The following LRRTM4 variants were observed in gnomAD, a reference collection of about 807,000 sequenced individuals.
The protein encoded by LRRTM4 is leucine-rich repeat transmembrane neuronal protein 4.
LRRTM4 carries 25 observed loss-of-function variants against 47.6 expected under a neutral mutation model. That is an observed-to-expected ratio of 0.53 (90% confidence interval 0.38 to 0.73). LRRTM4 has a LOEUF of 0.73. LRRTM4 is among the 30% of genes least tolerant of loss of function. LRRTM4 has a pLI of 0.00. For missense variants in LRRTM4, 638 were observed against 713.4 expected, an observed-to-expected ratio of 0.89 and a Z score of 1.20; for synonymous variants, 311 against 269.5, an observed-to-expected ratio of 1.15 and a Z score of -1.51.
chr2:76,777,507 T>C (rs2104139946), intron 3 of LRRTM4, among the ~76,000 whole-genome samples: 1 of 136,656 alleles, frequency 7.3e-6, no homozygotes, highest in East Asian at 2.4e-4. Flanking sequence ...AGGTATTTTA[T>C]TCTCTTTGAA....
chr2:77,422,166 C>T (rs1674924088), intron 3 of LRRTM4, among the ~76,000 whole-genome samples: 8 of 152,174 alleles, frequency 5.3e-5, no homozygotes, highest in Admixed American at 5.2e-4. Context: ...AGAATGGATC[C>T]TCATTGTTAC....
chr2:77,085,290 C>T (rs1465613572), intron 3 of LRRTM4, among the ~76,000 whole-genome samples: 1 of 151,338 alleles, frequency 6.6e-6, no homozygotes, highest in Non-Finnish European at 1.5e-5. Context: ...TTGGACATTT[C>T]TTACCTACAA....
chr2:77,399,702 A>C (rs1272248352), intron 3 of LRRTM4, among the ~76,000 whole-genome samples: 6 of 151,936 alleles, frequency 3.9e-5, no homozygotes, highest in African/African-American at 1.2e-4. Flanking sequence ...ATCAGGAGGA[A>C]TCAAACACCT....
intron 3 of LRRTM4, among the ~76,000 whole-genome samples, chr2:77,234,956 C>G (rs1675064238): frequency 6.6e-6 from 1 of 152,058 alleles, no homozygotes; most frequent in Non-Finnish European, 1.5e-5. Context: ...ATGTTTTGCT[C>G]CTGCTTATAA....
At chr2:77,443,401 C>T (rs1264790164) in intron 3 of LRRTM4, among the ~76,000 whole-genome samples, 2 of 151,972 alleles carry the variant, frequency 1.3e-5, no homozygotes, top group East Asian at 3.9e-4. Context: ...ATATAATACC[C>T]GTATGGTAGC....
rs984767397 is a variant in LRRTM4 at position 77,296,101 on chromosome 2, T to C, written c.1551+222217A>G. The stretch of plus-strand genomic sequence containing the variant: ...GTTTTGCTCTGACAGATATATTAGA[T>C]TAAATAATGCAAATATTTCTTAAGC... On this transcript the variant is annotated intron_variant, in intron 3 of 3. Transcript: ENST00000409884. 7.2e-4 allele frequency among the ~76,000 whole-genome samples: 110 copies of C among 152,228 alleles called. 2 individuals carry two copies. Among genetic ancestry groups the C allele is most frequent in the Non-Finnish European group, 1.2e-3 (79 of 68,034 alleles).
intron 3 of LRRTM4, among the ~76,000 whole-genome samples, chr2:77,328,438 G>C (rs1396437423): frequency 6.6e-6 from 1 of 152,142 alleles, no homozygotes; most frequent in Non-Finnish European, 1.5e-5. Context: ...TAGTTGAAAA[G>C]GGAGATTTGC....
At chr2:76,974,229 T>C (rs1164630006) in intron 3 of LRRTM4, among the ~76,000 whole-genome samples, 2 of 101,740 alleles carry the variant, frequency 2.0e-5, no homozygotes, top group East Asian at 4.5e-4. Flanking sequence ...TATACATACA[T>C]ATATATATAT....
intron 3 of LRRTM4, among the ~76,000 whole-genome samples, chr2:77,427,830 A>G (rs1675182539): frequency 6.6e-6 from 1 of 152,200 alleles, no homozygotes; most frequent in Admixed American, 6.5e-5. Context: ...AGAATCCCAC[A>G]TACCATATAA....
At chr2:77,108,370 T>C (rs2103927651) in intron 3 of LRRTM4, among the ~76,000 whole-genome samples, 1 of 152,136 alleles carries the variant, frequency 6.6e-6, no homozygotes, top group East Asian at 1.9e-4. Flanking sequence ...AAGAACATTG[T>C]ATAAGAAAGT....
chr2:77,164,099 A>G (rs1402965527), intron 3 of LRRTM4, among the ~76,000 whole-genome samples: 1 of 152,204 alleles, frequency 6.6e-6, no homozygotes, highest in Non-Finnish European at 1.5e-5. Flanking sequence ...GGCTCAAAAT[A>G]AAGGGATGGA....
intron 3 of LRRTM4, among the ~76,000 whole-genome samples, chr2:77,072,910 T>C (rs1680209587): frequency 6.6e-6 from 1 of 151,966 alleles, no homozygotes; most frequent in African/African-American, 2.4e-5. Context: ...TAGAAGACTT[T>C]GGAAGATGAT....
In LRRTM4 at chr2:77,408,436, A is replaced by T. The variant is rs375278473; in HGVS notation, c.1551+109882T>A. Among the ~76,000 whole-genome samples the T allele has an allele frequency of 3.7e-4, 56 of 152,348 alleles. 1 individual carries two copies. The South Asian group carries it at 0.012, about 32-fold the overall frequency. On this transcript the variant is annotated intron_variant, in intron 3 of 3. Transcript: ENST00000409884. ...CATAAATCCCAATTTAAAATAAGTC[A>T]TTAAAACACGCTGCTTCTAATTAGG... is the stretch of plus-strand genomic sequence containing the variant.
At chr2:77,369,613 C>T (rs1672586957) in intron 3 of LRRTM4, among the ~76,000 whole-genome samples, 1 of 151,654 alleles carries the variant, frequency 6.6e-6, no homozygotes, top group Non-Finnish European at 1.5e-5. Context: ...AGCCATTTTA[C>T]TATACAGTTA....
chr2:77,470,208 T>C lies in LRRTM4; in HGVS notation c.1551+48110A>G, dbSNP rs796265166. ...GCCTATCATTCAGGATTACATATCA[T>C]ATGACAAGGTAGAATATTTCATTCC... On this transcript the variant is annotated intron_variant, in intron 3 of 3. Coordinates refer to ENST00000409884, the MANE Select transcript of LRRTM4 (RefSeq NM_001134745.3). 5.3e-5 allele frequency among the ~76,000 whole-genome samples: 8 copies of C among 152,222 alleles called. 1 individual carries two copies. Among genetic ancestry groups the C allele is most frequent in the African/African-American group, 1.9e-4 (8 of 41,548 alleles).
At chr2:76,810,798 G>A (rs1369118062) in intron 3 of LRRTM4, among the ~76,000 whole-genome samples, 1 of 152,088 alleles carries the variant, frequency 6.6e-6, no homozygotes, top group African/African-American at 2.4e-5. Flanking sequence ...AACAATAAAA[G>A]CATGGAGATT....
rs1412731665 is a variant in LRRTM4 at position 76,787,115 on chromosome 2, G to A, written c.1552-38199C>T. On this transcript the variant is annotated intron_variant, in intron 3 of 3. Coordinates refer to ENST00000409884, the MANE Select transcript of LRRTM4 (RefSeq NM_001134745.3). ...AGACAATACATGTGGCAAGGGAAAT[G>A]AAAGGACTGTGTTCATGTCATAAAG... 2.0e-5 allele frequency among the ~76,000 whole-genome samples: 3 copies of A among 152,108 alleles called. No individual in the cohort carries two copies. The East Asian group carries it at 5.8e-4, about 29-fold the overall frequency.
intron 3 of LRRTM4, among the ~76,000 whole-genome samples, chr2:76,776,528 A>T (rs1287716608): frequency 1.3e-5 from 2 of 151,842 alleles, no homozygotes; most frequent in African/African-American, 4.8e-5. Context: ...GCATTTTTTC[A>T]TGTGTTTTTT....
At chr2:77,130,852 T>TTTTTTTTG (rs58493083) in intron 3 of LRRTM4, among the ~76,000 whole-genome samples, 1 of 120,820 alleles carries the variant, frequency 8.3e-6, no homozygotes. Flanking sequence ...TTTTTTTTTT[T>TTTTTTTTG]GAGACGGAGT....
Sources: gnomAD v4.1 joint callset for allele counts (sites outside exome capture counted in the v4.1 genomes callset) on GRCh38, gnomAD v4.1.1 for gene constraint, MANE v1.5 for transcripts, NCBI Gene and HGNC (gene_info 2026-07-23, HGNC 2026-07-21) for gene names.